Variants in RHBDL3 observed in about 807,000 individuals in gnomAD.
The protein encoded by RHBDL3 is rhomboid like 3.
In RHBDL3, 28 loss-of-function variants were observed where a neutral mutation model predicts 48.2. The ratio of observed to expected loss-of-function variants is 0.58; its 90% confidence interval spans 0.43 to 0.80. The LOEUF (loss-of-function observed/expected upper bound fraction) is 0.80. Ranked by LOEUF, RHBDL3 falls within the 30% of genes least tolerant of loss-of-function variation. The pLI is 0.00. For missense variants in RHBDL3, 464 were observed against 542.7 expected (o/e 0.85, Z 1.44); for synonymous variants, 208 against 232.3 (o/e 0.90, Z 0.95).
At position 32,294,278 on chromosome 17, in the gene RHBDL3, T is replaced by A. The variant is rs1597653256; in HGVS notation, c.520-16T>A. On this transcript the variant is annotated splice_polypyrimidine_tract_variant and intron_variant, in intron 4 of 8. Coordinates refer to ENST00000269051, the MANE Select transcript of RHBDL3 (RefSeq NM_138328.3). ...GCAGTGTGCACCTAGTAACAGACTC[T>A]CTCTCTTCTGTCCAGGTTGCCTTTT... The A allele has an allele frequency of 1.9e-6, 3 of 1,611,944 alleles. No homozygotes were observed. Among genetic ancestry groups the A allele is most frequent in the South Asian group, 1.1e-5 (1 of 90,756 alleles).
intron 6 of RHBDL3, among the ~76,000 whole-genome samples, chr17:32,303,468 T>C (rs1356897575): frequency 1.3e-5 from 2 of 152,184 alleles, no homozygotes; most frequent in Non-Finnish European, 2.9e-5. Flanking sequence ...CTGGGATTTT[T>C]CTTTCCTGTT....
chr17:32,288,771 C>G (rs1313564065), intron 3 of RHBDL3, 21 bp from the exon 4 acceptor site: 12 of 1,585,990 alleles, frequency 7.6e-6, no homozygotes, highest in Admixed American at 1.7e-5. Flanking sequence ...TGACCCTCTC[C>G]CCACTCCATT....
At chr17:32,317,430 A>G (rs1243615025) in intron 8 of RHBDL3, among the ~76,000 whole-genome samples, 1 of 152,194 alleles carries the variant, frequency 6.6e-6, no homozygotes, top group Admixed American at 6.5e-5. Context: ...ACCTCTAGGA[A>G]CAAGATGTCT....
intron 7 of RHBDL3, among the ~76,000 whole-genome samples, chr17:32,310,348 G>A (rs570890433): frequency 1.1e-4 from 16 of 151,978 alleles, no homozygotes; most frequent in Non-Finnish European, 1.5e-4. Context: ...TTGGGAGGCC[G>A]AGGTGGGCAG....
At chr17:32,296,459 C>T (rs2040452775) in intron 5 of RHBDL3, among the ~76,000 whole-genome samples, 1 of 150,912 alleles carries the variant, frequency 6.6e-6, no homozygotes. Flanking sequence ...CCTCAGCCCC[C>T]TGAGTAGCTG....
Position 32,321,463 on chromosome 17 carries a change from A to T in RHBDL3, c.*234A>T. ...CGTTTTTCTCGGCTGCTCTGATGAC[A>T]TCGGGCCAGGGTGAAGGTCTGGGGT... is the stretch of plus-strand genomic sequence containing the variant. On this transcript the variant is annotated 3_prime_UTR_variant, in exon 9 of 9. Coordinates refer to ENST00000269051, the MANE Select transcript of RHBDL3 (RefSeq NM_138328.3). 8.2e-7 allele frequency: 1 copy of T among 1,224,696 alleles called. No homozygotes were observed. The highest frequency in any genetic ancestry group is 1.1e-6 in the Non-Finnish European group (1 of 889,036). 75.9% of individuals were successfully genotyped at this position (1,224,696 alleles called of 1,614,324 possible). A position where few individuals can be genotyped will look rare whatever the true frequency, so the allele number is the denominator to read the frequency against.
intron 6 of RHBDL3, among the ~76,000 whole-genome samples, chr17:32,302,507 C>T (rs967222743): frequency 1.3e-5 from 2 of 150,922 alleles, no homozygotes; most frequent in African/African-American, 2.4e-5. Context: ...TATATGCATG[C>T]GCCACCATGT....
Position 32,309,603 on chromosome 17 carries a change from C to T in RHBDL3, c.882+4162C>T, listed in dbSNP as rs551698591. Reference sequence around the variant, plus strand: ...TTGAGAGAAAATCCACATTTGAGTACCAATGTCACCATCTTAATAGCTATG... The same window carrying T: ...TTGAGAGAAAATCCACATTTGAGTATCAATGTCACCATCTTAATAGCTATG... On this transcript the variant is annotated intron_variant, in intron 7 of 8. Transcript: ENST00000269051. Among the ~76,000 whole-genome samples, 21 of 152,082 alleles carry T rather than the reference C, an allele frequency of 1.4e-4. No individual in the cohort carries two copies. In the South Asian group the frequency reaches 4.4e-3, roughly 32 times the overall value.
At chr17:32,294,911 A>C (rs17805538) in intron 5 of RHBDL3, among the ~76,000 whole-genome samples, 1 of 151,944 alleles carries the variant, frequency 6.6e-6, no homozygotes, top group Non-Finnish European at 1.5e-5. Context: ...TGTTTATAGA[A>C]CCCTGTAGCC....
chr17:32,303,601 A>G (rs112903291), intron 6 of RHBDL3, among the ~76,000 whole-genome samples: 4,396 of 152,322 alleles, frequency 0.029, 80 homozygotes, highest in Non-Finnish European at 0.038. Flanking sequence ...GTTGCCCTGG[A>G]AGGGGAGGAG....
At chr17:32,284,253 C>G (rs567245007) in intron 2 of RHBDL3, 1 of 160,810 alleles carries the variant, frequency 6.2e-6, no homozygotes, top group Admixed American at 6.2e-5. Context: ...TGGGGTCCCT[C>G]TGGCCCAGTC....
chr17:32,280,124 G>A (rs750982303), intron 2 of RHBDL3, among the ~76,000 whole-genome samples: 45 of 152,270 alleles, frequency 3.0e-4, no homozygotes, highest in Non-Finnish European at 4.7e-4. Flanking sequence ...TGTGGACTTG[G>A]CCGCCCCTCC....
At chr17:32,320,444 C>T (rs1177845741) in intron 8 of RHBDL3, among the ~76,000 whole-genome samples, 1 of 152,110 alleles carries the variant, frequency 6.6e-6, no homozygotes, top group East Asian at 1.9e-4. Flanking sequence ...CTGCCTCAGC[C>T]TCCTGAGTAG....
chr17:32,299,046 GTT>G (rs71362825), intron 6 of RHBDL3, among the ~76,000 whole-genome samples: 3 of 141,266 alleles, frequency 2.1e-5, no homozygotes, highest in Non-Finnish European at 1.5e-5. Flanking sequence ...ATTGCCGGCT[GTT>G]TTTTTTTTTT....
intron 1 of RHBDL3, 152 bp from the exon 2 acceptor site, chr17:32,267,750 C>T: frequency 2.1e-6 from 3 of 1,437,416 alleles, no homozygotes; most frequent in South Asian, 2.6e-5. Flanking sequence ...CCCCTGCTCT[C>T]CTGTGGCCAG....
intron 2 of RHBDL3, among the ~76,000 whole-genome samples, chr17:32,283,612 T>A (rs530125280): frequency 6.6e-6 from 1 of 152,042 alleles, no homozygotes; most frequent in Non-Finnish European, 1.5e-5. Context: ...CTTGAGCCAC[T>A]GCGCCTGGCC....
At chr17:32,306,323 C>T (rs2040710145) in intron 7 of RHBDL3, among the ~76,000 whole-genome samples, 1 of 152,158 alleles carries the variant, frequency 6.6e-6, no homozygotes, top group African/African-American at 2.4e-5. Context: ...ACTTGGGAGG[C>T]TGAGGCAAGA....
rs1040906020 is a variant in RHBDL3, at chr17:32,322,073, A to T, written c.*844A>T. 2 of 152,770 alleles carry T rather than the reference A, an allele frequency of 1.3e-5. No homozygotes were observed. The highest frequency in any genetic ancestry group is 2.4e-5 in the African/African-American group (1 of 41,280). 9.5% of individuals were successfully genotyped at this position (152,770 alleles called of 1,614,324 possible). On this transcript the variant is annotated 3_prime_UTR_variant, in exon 9 of 9. Coordinates refer to ENST00000269051, the MANE Select transcript of RHBDL3 (RefSeq NM_138328.3). ...TCTTTCCTTTTGCTGCCCTGACACT[A>T]CTTTGTGCCTCTCTTTGGTTATGGA...
chr17:32,294,419 GACAT>G lies in RHBDL3; in HGVS notation c.650_653del (p.Tyr217SerfsTer7), dbSNP rs1210518838. 2 of 1,614,054 alleles carry G rather than the reference GACAT, an allele frequency of 1.2e-6. No individual in the cohort carries two copies. The highest frequency in any genetic ancestry group is 4.5e-5 in the East Asian group (2 of 44,882). ...TGCGAGCACAGGTTTGGCGCTACCT[GACAT>G]ACATCTTCATGCATGCAGGGTGAGT... On this transcript the variant is annotated frameshift_variant, in exon 5 of 9. Transcript: ENST00000269051. LOFTEE classifies it high-confidence loss of function.
Sources: gnomAD v4.1 joint callset for allele counts (sites outside exome capture counted in the v4.1 genomes callset) on GRCh38, gnomAD v4.1.1 for gene constraint, MANE v1.5 for transcripts, NCBI Gene and HGNC (gene_info 2026-07-23, HGNC 2026-07-21) for gene names.